SP140: variants seen among roughly 807,000 people sequenced by gnomAD.
The protein encoded by SP140 is SP140 nuclear body protein, also known as nuclear body protein SP140.
A neutral mutation model predicts 125.0 loss-of-function variants in SP140; 81 were observed. That is an observed-to-expected ratio of 0.65 (90% CI 0.54 to 0.78). The LOEUF (loss-of-function observed/expected upper bound fraction) is 0.78, where lower values mean the gene tolerates loss of function less well. SP140 is among the 30% of genes least tolerant of loss of function. The pLI is 0.00. For missense variants in SP140, 858 were observed against 1,037.0 expected, an observed-to-expected ratio of 0.83 and a Z score of 2.37; for synonymous variants, 312 against 354.0, an observed-to-expected ratio of 0.88 and a Z score of 1.33.
chr2:230,221,848 A>G (rs1243541878), upstream of SP140: 1 of 926,452 alleles, frequency 1.1e-6, no homozygotes, highest in Non-Finnish European at 1.7e-6. Flanking sequence ...GAGTGGGAAA[A>G]TAAAGTCAAT....
chr2:230,236,831 AT>A (rs1446652217), intron 1 of SP140, among the ~76,000 whole-genome samples: 8 of 152,322 alleles, frequency 5.3e-5, no homozygotes, highest in African/African-American at 1.9e-4. Context: ...TCTCTTTATA[AT>A]AGTTTGATTG....
At chr2:230,214,691 T>G (rs1574775460) in intron 3 of SP140, among the ~76,000 whole-genome samples, 1 of 152,214 alleles carries the variant, frequency 6.6e-6, no homozygotes, top group East Asian at 1.9e-4. Flanking sequence ...TTTTCCAGTA[T>G]GCCAAATTGT....
chr2:230,212,913 G>A, intron 1 of SP140: 1 of 1,614,086 alleles, frequency 6.2e-7, no homozygotes, highest in Non-Finnish European at 8.5e-7. Context: ...TGGTTGAGGG[G>A]GTTGTGGTGG....
At chr2:230,249,181 T>G (rs995701863) in intron 9 of SP140, among the ~76,000 whole-genome samples, 1 of 152,140 alleles carries the variant, frequency 6.6e-6, no homozygotes, top group South Asian at 2.1e-4. Flanking sequence ...GGGACCATAT[T>G]TCTGCATGGG....
At chr2:230,194,801 CT>C in the SP140 span, among the ~76,000 whole-genome samples, 1 of 152,208 alleles carries the variant, frequency 6.6e-6, no homozygotes, top group Non-Finnish European at 1.5e-5. Flanking sequence ...TGTCTGATGC[CT>C]CATGTCCACC....
intron 22 of SP140, 102 bp from the exon 23 acceptor site, chr2:230,309,822 C>T (rs1218852555): frequency 8.7e-7 from 1 of 1,153,918 alleles, no homozygotes; most frequent in Non-Finnish European, 1.3e-6. Flanking sequence ...ATTTGCCTGT[C>T]CATGCAGGTT....
intron 1 of SP140, among the ~76,000 whole-genome samples, chr2:230,230,739 A>G (rs1000315411): frequency 2.0e-5 from 3 of 152,188 alleles, no homozygotes; most frequent in Non-Finnish European, 2.9e-5. Flanking sequence ...ATCATTTGAT[A>G]TTTATGCAGC....
At chr2:230,235,289 G>A (rs2047807040) in intron 1 of SP140, among the ~76,000 whole-genome samples, 1 of 152,174 alleles carries the variant, frequency 6.6e-6, no homozygotes, top group Admixed American at 6.5e-5. Flanking sequence ...ACCTCAGGAA[G>A]CATCCTCCAC....
chr2:230,217,362 C>A (rs1255600431), intron 3 of SP140, among the ~76,000 whole-genome samples: 1 of 151,992 alleles, frequency 6.6e-6, no homozygotes, highest in Non-Finnish European at 1.5e-5. Flanking sequence ...TCCTTAGTAG[C>A]CTGCAAAGCA....
chr2:230,215,185 G>T, intron 3 of SP140: 2 of 1,281,530 alleles, frequency 1.6e-6, no homozygotes, highest in Non-Finnish European at 2.2e-6. Context: ...TACATTTATG[G>T]TTTTCTAAGT....
intron 3 of SP140, among the ~76,000 whole-genome samples, chr2:230,240,670 G>A (rs1192375543): frequency 1.3e-5 from 2 of 152,218 alleles, no homozygotes; most frequent in African/African-American, 4.8e-5. Flanking sequence ...AAGTGCTGAT[G>A]AGAATATGGA....
At position 230,237,767 on chromosome 2, in the gene SP140, G is replaced by A. The variant is rs1158968310; in HGVS notation, c.238-446G>A. 6.6e-6 allele frequency among the ~76,000 whole-genome samples: 1 copy of A among 152,142 alleles called. No individual in the cohort carries two copies. Among genetic ancestry groups the A allele is most frequent in the Non-Finnish European group, 1.5e-5 (1 of 68,028 alleles). ...AATGTTAGCAGTGGATGCCCTTAGG[G>A]ATACTGAGGACAAGGCTTCTTCTTG... On this transcript the variant is annotated intron_variant, in intron 2 of 26. Coordinates refer to ENST00000392045, the MANE Select transcript of SP140 (RefSeq NM_007237.5). This position sits in a 1 kb window ranked among gnomAD's most constrained non-coding sequence, Gnocchi z 5.4.
At chr2:230,206,595 T>TATATATATATATA in intron 1 of SP140, among the ~76,000 whole-genome samples, 1 of 70,530 alleles carries the variant, frequency 1.4e-5, no homozygotes, top group South Asian at 6.2e-4. Context: ...GGTCCAGATT[T>TATATATATATATA]TATATATATA....
chr2:230,225,108 G>T (rs1445798537), upstream of SP140, among the ~76,000 whole-genome samples: 1 of 152,154 alleles, frequency 6.6e-6, no homozygotes, highest in Admixed American at 6.5e-5. Context: ...CAGTGAGAAG[G>T]CTGTCACTCT....
intron 1 of SP140, chr2:230,207,915 A>C (rs1574719829): frequency 2.7e-6 from 2 of 743,120 alleles, no homozygotes; most frequent in Non-Finnish European, 4.8e-6. Context: ...ATAAAATTCA[A>C]CCCTCCACAG....
At chr2:230,241,531 T>C in intron 4 of SP140, 44 bp downstream of exon 4, 1 of 1,149,598 alleles carries the variant, frequency 8.7e-7, no homozygotes, top group Non-Finnish European at 1.3e-6. Context: ...AAAGTTTTGC[T>C]TCCTTGCCTT....
At chr2:230,269,979 TG>T in intron 14 of SP140, 26 bp downstream of exon 14, 2 of 1,530,524 alleles carry the variant, frequency 1.3e-6, no homozygotes, top group Middle Eastern at 1.7e-4. Context: ...GGCCGTGGGA[TG>T]GGGGTGGCTC....
chr2:230,262,949 T>C (rs990556832), intron 12 of SP140, among the ~76,000 whole-genome samples: 11 of 152,190 alleles, frequency 7.2e-5, no homozygotes, highest in Admixed American at 4.6e-4. Flanking sequence ...TTGGATGAAA[T>C]GTTCTATATA....
intron 26 of SP140, among the ~76,000 whole-genome samples, 190 bp from the exon 27 acceptor site, chr2:230,312,396 C>T (rs2059400235): frequency 6.6e-6 from 1 of 152,232 alleles, no homozygotes; most frequent in South Asian, 2.1e-4. Flanking sequence ...TTAATTAGTT[C>T]AATTTAATTA....
Sources: allele counts gnomAD v4.1 joint callset (sites outside exome capture counted in the v4.1 genomes callset), GRCh38; gene constraint gnomAD v4.1.1; non-coding constraint Gnocchi (gnomAD v3.1); transcripts MANE v1.5; gene names NCBI Gene and HGNC (gene_info 2026-07-23, HGNC 2026-07-21).